NANOS3: variants seen among roughly 807,000 people sequenced by gnomAD.
NANOS3 encodes nanos homolog 3.
NANOS3 carries 11 observed loss-of-function variants against 13.8 expected under a neutral mutation model. That is an observed-to-expected ratio of 0.80 (90% confidence interval 0.50 to 1.32). The LOEUF (loss-of-function observed/expected upper bound fraction) is 1.32, where lower values mean the gene tolerates loss of function less well. NANOS3 is among the 40% of genes most tolerant of loss of function. NANOS3 has a pLI of 0.00. For synonymous variants in NANOS3, 119 were observed against 115.4 expected (o/e 1.03, Z -0.20); for missense variants, 221 against 263.8 (o/e 0.84, Z 1.12).
rs368073921 is a variant in NANOS3, at chr19:13,877,660, G to A, written c.412G>A (p.Val138Ile). 8.1e-6 allele frequency: 13 copies of A among 1,611,888 alleles called. No individual in the cohort carries two copies. In the African/African-American group the frequency reaches 1.2e-4, roughly 15 times the overall value. The change falls in exon 1 of 2, where the codon GTC (valine) becomes ATC (isoleucine). Residue 138 changes from valine to isoleucine, a missense_variant. Coordinates refer to ENST00000339133, the MANE Select transcript of NANOS3 (RefSeq NM_001098622.3). ...ACTTACTGGCCAGGGCTACACCTCC[G>A]TCTACAGCCACACCACCCGAAACTC... ...CPLTGQGYTS[V>I]YSHTTRNSAG... is the part of the protein sequence containing the mutation.
chr19:13,868,935 ACACAC>A (rs1222772161), intron 1 of NANOS3, among the ~76,000 whole-genome samples: 2 of 152,076 alleles, frequency 1.3e-5, no homozygotes, highest in Non-Finnish European at 2.9e-5. Flanking sequence ...ACACACACGC[ACACAC>A]ACAGCTGGTG....
intron 1 of NANOS3, among the ~76,000 whole-genome samples, chr19:13,877,980 C>A (rs372411801): frequency 1.6e-4 from 25 of 152,132 alleles, no homozygotes; most frequent in East Asian, 5.8e-4. Context: ...GCCATCTCGG[C>A]TCACTGCAAC....
chr19:13,862,674 G>A (rs1446676442), upstream of NANOS3, among the ~76,000 whole-genome samples: 1 of 152,190 alleles, frequency 6.6e-6, no homozygotes, highest in Admixed American at 6.5e-5. Flanking sequence ...GAGTAGCTGG[G>A]ATTATAGGCG....
upstream of NANOS3, among the ~76,000 whole-genome samples, chr19:13,876,692 G>GAC (rs111469369): frequency 0.31 from 46,592 of 151,560 alleles, 8,978 homozygotes; most frequent in African/African-American, 0.55. Flanking sequence ...CTCCCGCCTG[G>GAC]ACACACACAC....
chr19:13,866,006 C>T (rs1050146653), intron 1 of NANOS3, among the ~76,000 whole-genome samples: 1 of 152,022 alleles, frequency 6.6e-6, no homozygotes, highest in Non-Finnish European at 1.5e-5. Flanking sequence ...TGGCGGGGGC[C>T]CCGCTCAGGC....
At chr19:13,862,477 C>T (rs1448949816), upstream of NANOS3, among the ~76,000 whole-genome samples, 2 of 152,036 alleles carry the variant, frequency 1.3e-5, no homozygotes, top group African/African-American at 4.8e-5. Context: ...CTGGCCGGTC[C>T]TGGAGAAGAG....
At chr19:13,880,390 G>A in intron 1 of NANOS3, 52 bp from the exon 2 acceptor site, 2 of 1,567,608 alleles carry the variant, frequency 1.3e-6, no homozygotes, top group Non-Finnish European at 1.8e-6. Flanking sequence ...AACTTGGGGA[G>A]CGTTGAGTCA....
chr19:13,869,543 T>A (rs934128915), intron 1 of NANOS3, among the ~76,000 whole-genome samples: 4 of 151,700 alleles, frequency 2.6e-5, no homozygotes, highest in African/African-American at 9.7e-5. Flanking sequence ...GGAGGTGGCC[T>A]GCGGAGGGTG....
chr19:13,868,818 C>T (rs1404841201), intron 1 of NANOS3, among the ~76,000 whole-genome samples: 1 of 152,066 alleles, frequency 6.6e-6, no homozygotes. Flanking sequence ...ACCAGACACC[C>T]ACGCACACTG....
At chr19:13,874,258 C>G (rs1265450077), upstream of NANOS3, among the ~76,000 whole-genome samples, 3 of 152,164 alleles carry the variant, frequency 2.0e-5, no homozygotes, top group Admixed American at 2.0e-4. Flanking sequence ...GCTCCCAGAA[C>G]GTATTACATT....
At position 13,871,997 on chromosome 19, in the gene NANOS3, TCAAAA is replaced by T. The variant is rs370684179; in HGVS notation, n.22-5652_22-5648del. On this transcript the variant is annotated intron_variant and non_coding_transcript_variant, in intron 1 of 2. Coordinates refer to the NANOS3 transcript ENST00000591161. ...CTGGGCAACAGAGCGAGACCCCGTCTCAAAACAAAACAAAACAAAACAACAACAGC... is the reference window on the plus strand; with the variant it reads ...CTGGGCAACAGAGCGAGACCCCGTCTCAAAACAAAACAAAACAACAACAGC... Among the ~76,000 whole-genome samples the T allele has an allele frequency of 6.1e-3, 918 of 151,266 alleles. 10 individuals are homozygous for T. Among genetic ancestry groups the T allele is most frequent in the African/African-American group, 0.02 (817 of 41,158 alleles).
intron 1 of NANOS3, among the ~76,000 whole-genome samples, chr19:13,869,759 C>T (rs1289399344): frequency 6.6e-6 from 1 of 150,764 alleles, no homozygotes; most frequent in Non-Finnish European, 1.5e-5. Context: ...CAAGTACACA[C>T]ACACACACAC....
At chr19:13,875,693 G>A (rs995346749), upstream of NANOS3, among the ~76,000 whole-genome samples, 2 of 151,776 alleles carry the variant, frequency 1.3e-5, no homozygotes, top group African/African-American at 2.4e-5. Context: ...CCACGGGCAC[G>A]CACCACCACA....
upstream of NANOS3, among the ~76,000 whole-genome samples, chr19:13,872,750 CA>C (rs1968419588): frequency 6.6e-6 from 1 of 152,226 alleles, no homozygotes; most frequent in African/African-American, 2.4e-5. Flanking sequence ...CAGGCCCCCC[CA>C]CTCCACAGCC....
At chr19:13,869,770 GCACGCACACACACACACA>G (rs1469176275) in intron 1 of NANOS3, among the ~76,000 whole-genome samples, 1 of 147,202 alleles carries the variant, frequency 6.8e-6, no homozygotes, top group Non-Finnish European at 1.5e-5. Context: ...ACACACACAC[GCACGCACACACACACACA>G]CACGCACACA....
chr19:13,877,901 T>A (rs1968552333), intron 1 of NANOS3, 136 bp downstream of exon 1: 1 of 1,407,530 alleles, frequency 7.1e-7, no homozygotes, highest in African/African-American at 1.4e-5. Context: ...GCAGTTGATT[T>A]TATTTACGTA....
rs1393050910 is a variant in NANOS3 at position 13,877,604 on chromosome 19, G to A, written c.356G>A (p.Arg119His). Residue 119 changes from arginine (R) to histidine (H), a missense_variant, in exon 1 of 2, where the codon CGT (arginine) becomes CAT (histidine). Transcript: ENST00000339133. ...DYVCPQCGAT[R>H]ERAHTRRFCP... is the part of the protein sequence containing the mutation. ...GTGTGTCCCCAGTGCGGCGCCACACGTGAGCGCGCCCACACCCGACGCTTC... is the reference window on the plus strand; with the variant it reads ...GTGTGTCCCCAGTGCGGCGCCACACATGAGCGCGCCCACACCCGACGCTTC... The A allele has an allele frequency of 1.2e-6, 2 of 1,612,016 alleles. No homozygotes were observed. Among genetic ancestry groups the A allele is most frequent in the South Asian group, 1.1e-5 (1 of 91,080 alleles).
At chr19:13,868,991 T>C (rs1180084662) in intron 1 of NANOS3, among the ~76,000 whole-genome samples, 2 of 151,730 alleles carry the variant, frequency 1.3e-5, no homozygotes, top group Non-Finnish European at 2.9e-5. Context: ...CACCTGGACT[T>C]ACAGACACCC....
rs777687585 is a variant in NANOS3, at chr19:13,877,407, G to A, written c.159G>A (p.Glu53=). The change falls in exon 1 of 2, where the codon GAG becomes GAA. Residue 53 remains glutamate (E), a synonymous_variant. Coordinates refer to ENST00000339133, the MANE Select transcript of NANOS3 (RefSeq NM_001098622.3). ...CCCTGGAGCCGATGCCAGCGCCGGA[G>A]TCGGTGCCAGTGCCGGGACCCAAGG... ...VSALEPMPAP[E]SVPVPGPKDQ... 1 of 1,612,446 alleles carries A rather than the reference G, an allele frequency of 6.2e-7. No individual in the cohort carries two copies. The highest frequency in any genetic ancestry group is 8.5e-7 in the Non-Finnish European group (1 of 1,180,002).
Sources: allele counts gnomAD v4.1 joint callset (sites outside exome capture counted in the v4.1 genomes callset), GRCh38; gene constraint gnomAD v4.1.1; transcripts MANE v1.5; gene names NCBI Gene and HGNC (gene_info 2026-07-23, HGNC 2026-07-21).